Variants in HMGXB4 observed in about 807,000 individuals in gnomAD.
The protein encoded by HMGXB4 is HMG-box containing 4.
HMGXB4 carries 27 observed loss-of-function variants against 63.9 expected under a neutral mutation model. The ratio of observed to expected loss-of-function variants is 0.42; its 90% CI spans 0.31 to 0.58. HMGXB4 has a LOEUF of 0.58. Among genes scored for constraint, HMGXB4 ranks in the 20% least tolerant of loss-of-function variants. HMGXB4 has a pLI of 0.13. For synonymous variants in HMGXB4, 264 were observed against 265.3 expected (o/e 0.99, Z 0.05); for missense variants, 624 against 700.7 (o/e 0.89, Z 1.24).
rs377200554 is a variant in HMGXB4 at position 35,294,339 on chromosome 22, G to T, written c.*688G>T. On this transcript the variant is annotated 3_prime_UTR_variant, in exon 11 of 11. Transcript: ENST00000216106. ...AGCCCTGGCAGCAAAAAACACCTTG[G>T]GGGGTGAAGCTGTCAATGCCACCAG... The T allele has an allele frequency of 1.3e-5, 2 of 152,506 alleles. No individual in the cohort carries two copies. Among genetic ancestry groups the T allele is most frequent in the Non-Finnish European group, 1.5e-5 (1 of 68,030 alleles). The allele number at this position is 152,506 out of a possible 1,614,324, so 9.4% of individuals were successfully genotyped here. A position where few individuals can be genotyped will look rare whatever the true frequency, so the allele number is the denominator to read the frequency against.
chr22:35,275,182 C>T (rs1347924430), intron 5 of HMGXB4, among the ~76,000 whole-genome samples: 2 of 134,698 alleles, frequency 1.5e-5, no homozygotes, highest in Non-Finnish European at 3.0e-5. Flanking sequence ...TACAATGGTG[C>T]GATCTCAGCT....
At chr22:35,264,610 C>G (rs375375197) in intron 4 of HMGXB4, 38 bp from the exon 5 acceptor site, 85 of 1,432,982 alleles carry the variant, frequency 5.9e-5, no homozygotes, top group Non-Finnish European at 6.8e-5. Flanking sequence ...GAAGTTGCTT[C>G]CCATCATATT....
upstream of HMGXB4, among the ~76,000 whole-genome samples, chr22:35,257,297 T>G (rs1922469120): frequency 6.6e-6 from 1 of 152,242 alleles, no homozygotes; most frequent in Non-Finnish European, 1.5e-5. Context: ...GAGGATTAAG[T>G]GAAATAATGT....
chr22:35,255,288 A>G (rs767631579), upstream of HMGXB4, among the ~76,000 whole-genome samples: 5 of 152,108 alleles, frequency 3.3e-5, no homozygotes, highest in Non-Finnish European at 7.4e-5. Context: ...GCTTGAGTCC[A>G]GGAGCTTGAG....
intron 5 of HMGXB4, among the ~76,000 whole-genome samples, chr22:35,282,366 C>T (rs1056513958): frequency 3.3e-5 from 5 of 152,046 alleles, no homozygotes; most frequent in African/African-American, 4.8e-5. Flanking sequence ...TTAGTAGAGA[C>T]GGGGTTTCAC....
chr22:35,288,437 A>G, intron 9 of HMGXB4, 30 bp downstream of exon 9: 2 of 1,519,924 alleles, frequency 1.3e-6, no homozygotes, highest in Non-Finnish European at 8.9e-7. Flanking sequence ...GCATGACTAC[A>G]GTTTCCCATA....
At chr22:35,272,171 C>T (rs902407566) in intron 5 of HMGXB4, among the ~76,000 whole-genome samples, 1 of 151,920 alleles carries the variant, frequency 6.6e-6, no homozygotes, top group African/African-American at 2.4e-5. Flanking sequence ...GAAGAGGGGG[C>T]GGCTATGTTG....
rs180675183 is a variant in HMGXB4, at chr22:35,285,438, C to T, written c.1298-559C>T. On this transcript the variant is annotated intron_variant, in intron 6 of 10. Transcript: ENST00000216106. Reference sequence around the variant, plus strand: ...TGCACGCCTGTGATCCCAGCTACTCCGGAGGCTGAGGCAGGAGAATCACTT... The same window carrying T: ...TGCACGCCTGTGATCCCAGCTACTCTGGAGGCTGAGGCAGGAGAATCACTT... Among the ~76,000 whole-genome samples the T allele has an allele frequency of 7.0e-4, 107 of 152,042 alleles. 1 individual carries two copies. Among genetic ancestry groups the T allele is most frequent in the Middle Eastern group, 6.8e-3 (2 of 294 alleles).
intron 5 of HMGXB4, among the ~76,000 whole-genome samples, chr22:35,267,795 C>A (rs1344563731): frequency 1.3e-5 from 2 of 152,190 alleles, no homozygotes; most frequent in African/African-American, 2.4e-5. Context: ...TTAATATTTT[C>A]TTTTTGCTTT....
intron 5 of HMGXB4, among the ~76,000 whole-genome samples, chr22:35,270,693 A>G (rs1923552961): frequency 6.6e-6 from 1 of 152,240 alleles, no homozygotes; most frequent in Non-Finnish European, 1.5e-5. Flanking sequence ...AAAGTTAAGG[A>G]CTTATCTATA....
chr22:35,261,357 A>G (rs1601623403), intron 1 of HMGXB4, among the ~76,000 whole-genome samples: 1 of 149,338 alleles, frequency 6.7e-6, no homozygotes, highest in South Asian at 2.1e-4. Context: ...AATCGCTTGA[A>G]CCCGGGAGGC....
At chr22:35,274,252 T>C (rs922592556) in intron 5 of HMGXB4, among the ~76,000 whole-genome samples, 1 of 151,976 alleles carries the variant, frequency 6.6e-6, no homozygotes, top group African/African-American at 2.4e-5. Context: ...AGGTGGAAAA[T>C]AGGAGTAGGC....
chr22:35,249,746 T>C, the HMGXB4 span: 1 of 99,342 alleles, frequency 1.0e-5, no homozygotes, highest in African/African-American at 2.6e-5. Context: ...TATTATTCTG[T>C]GAAAAGAAGG....
chr22:35,273,379 C>G (rs1007261940), intron 5 of HMGXB4, among the ~76,000 whole-genome samples: 3 of 152,186 alleles, frequency 2.0e-5, no homozygotes, highest in Non-Finnish European at 4.4e-5. Context: ...ATTCAGCAGA[C>G]TTGGATTCTT....
intron 9 of HMGXB4, among the ~76,000 whole-genome samples, chr22:35,289,012 C>T (rs1924770027): frequency 6.6e-6 from 1 of 151,998 alleles, no homozygotes; most frequent in Non-Finnish European, 1.5e-5. Flanking sequence ...TGGTGGCATG[C>T]ACCTGTGGTC....
intron 4 of HMGXB4, chr22:35,264,085 G>C: frequency 2.0e-6 from 3 of 1,533,496 alleles, no homozygotes; most frequent in Admixed American, 2.0e-5. Flanking sequence ...GTCTGCATTT[G>C]TGATACACCA....
At chr22:35,288,917 G>A (rs1014474391) in intron 9 of HMGXB4, among the ~76,000 whole-genome samples, 2 of 152,172 alleles carry the variant, frequency 1.3e-5, no homozygotes, top group Admixed American at 6.6e-5. Context: ...TGAGGCAGGC[G>A]GATCACGAGG....
In HMGXB4 at chr22:35,289,678, CTTAAA is replaced by C. The variant is rs1924813169; in HGVS notation, c.1638+1275_1638+1279del. On this transcript the variant is annotated intron_variant, in intron 9 of 10. Transcript: ENST00000216106. ...GTTCCCAGCTCTCCATTACTCTGCA[CTTAAA>C]TTATACAGTGCTATATGCCCTGGGG... Among the ~76,000 whole-genome samples, 3 of 152,224 alleles carry C rather than the reference CTTAAA, an allele frequency of 2.0e-5. No individual in the cohort carries two copies. In the South Asian group the frequency reaches 6.2e-4, roughly 31 times the overall value.
At chr22:35,251,627 G>A in the HMGXB4 span, among the ~76,000 whole-genome samples, 1 of 152,228 alleles carries the variant, frequency 6.6e-6, no homozygotes, top group Non-Finnish European at 1.5e-5. Flanking sequence ...GTTACCAGGT[G>A]TGTGGGAAAA....
Sources: gnomAD v4.1 joint callset for allele counts (sites outside exome capture counted in the v4.1 genomes callset) on GRCh38, gnomAD v4.1.1 for gene constraint, MANE v1.5 for transcripts, NCBI Gene and HGNC (gene_info 2026-07-23, HGNC 2026-07-21) for gene names.